Variants in XKR4 observed in about 807,000 individuals in gnomAD.
The protein encoded by XKR4 is XK related 4.
In XKR4, 12 loss-of-function variants were observed where a neutral mutation model predicts 53.9. The observed-to-expected ratio is 0.22, with a 90% CI of 0.14 to 0.36. The LOEUF (loss-of-function observed/expected upper bound fraction) is 0.36. Among genes scored for constraint, XKR4 ranks in the 10% least tolerant of loss-of-function variants. The probability of loss-of-function intolerance (pLI) is 1.00; values close to 1 mark genes in which losing one functional copy is unlikely to be tolerated. For synonymous variants in XKR4, 354 were observed against 362.4 expected (o/e 0.98, Z 0.26); for missense variants, 799 against 859.5 (o/e 0.93, Z 0.88).
At chr8:55,349,565 C>T (rs372180832) in intron 1 of XKR4, among the ~76,000 whole-genome samples, 3 of 152,096 alleles carry the variant, frequency 2.0e-5, no homozygotes, top group South Asian at 4.2e-4. Flanking sequence ...TACCACGGTC[C>T]GTGTTAAATA....
chr8:55,510,679 A>G (rs1806612531), intron 2 of XKR4, among the ~76,000 whole-genome samples: 2 of 152,214 alleles, frequency 1.3e-5, no homozygotes, highest in African/African-American at 4.8e-5. Context: ...CTCCGGAAAA[A>G]GAGCAGCAAG....
At chr8:55,121,269 T>G (rs559819790) in intron 1 of XKR4, among the ~76,000 whole-genome samples, 34 of 152,312 alleles carry the variant, frequency 2.2e-4, no homozygotes, top group Admixed American at 3.3e-4. Context: ...GAAGAGTGCA[T>G]TTAGTTTTGT....
chr8:55,469,022 G>A (rs1805830580), intron 2 of XKR4, among the ~76,000 whole-genome samples: 1 of 151,922 alleles, frequency 6.6e-6, no homozygotes, highest in Non-Finnish European at 1.5e-5. Context: ...ACAGTCCTTG[G>A]TATGCAGGCA....
At chr8:55,387,332 T>G (rs990934378) in intron 2 of XKR4, among the ~76,000 whole-genome samples, 1 of 141,448 alleles carries the variant, frequency 7.1e-6, no homozygotes, top group African/African-American at 2.6e-5. Flanking sequence ...GTGGATCACC[T>G]TCTTTATTGC....
chr8:55,498,777 A>G (rs1356003589), intron 2 of XKR4, among the ~76,000 whole-genome samples: 1 of 151,996 alleles, frequency 6.6e-6, no homozygotes, highest in Non-Finnish European at 1.5e-5. Flanking sequence ...TGAGAGAGAC[A>G]GAGACAGAGA....
intron 1 of XKR4, among the ~76,000 whole-genome samples, chr8:55,159,786 G>T (rs1816959665): frequency 6.6e-6 from 1 of 152,174 alleles, no homozygotes; most frequent in African/African-American, 2.4e-5. Flanking sequence ...ACTGAAGAAG[G>T]AATGAGATCT....
At chr8:55,516,237 C>A (rs970891096) in intron 2 of XKR4, among the ~76,000 whole-genome samples, 2 of 152,102 alleles carry the variant, frequency 1.3e-5, no homozygotes, top group African/African-American at 4.8e-5. Context: ...TATAAAATTT[C>A]TTGACTGCAA....
Position 55,102,550 on chromosome 8 carries a change from C to A in XKR4, c.62C>A (p.Pro21Gln). Residue 21 changes from proline to glutamine, a missense_variant, in exon 1 of 3, where the codon CCG becomes CAG. By Grantham distance (76) the Pro-to-Gln change is moderately conservative. Around this residue, in one of 3 missense-constraint regions of XKR4, gnomAD observed 476 missense variants for 505.4 expected, o/e 0.94. Coordinates refer to ENST00000327381, the MANE Select transcript of XKR4 (RefSeq NM_052898.2). The surrounding 1 kb of genome is among the most constrained non-coding windows in gnomAD (Gnocchi z 5.1). ...MKKSSDVAFTPLQNSDHSGSV... is the reference protein window; with the variant it reads ...MKKSSDVAFTQLQNSDHSGSV... ...AAAAGCAGCGACGTGGCGTTCACCC[C>A]GCTGCAGAACTCGGACCACTCGGGC... 1 of 1,552,516 alleles carries A rather than the reference C, an allele frequency of 6.4e-7. No individual in the cohort carries two copies.
intron 2 of XKR4, among the ~76,000 whole-genome samples, chr8:55,404,138 T>G (rs1459402483): frequency 6.6e-6 from 1 of 152,198 alleles, no homozygotes; most frequent in Non-Finnish European, 1.5e-5. Context: ...CCTCAGAGTA[T>G]TCAAAATACG....
At chr8:55,396,092 C>T (rs1804512348) in intron 2 of XKR4, among the ~76,000 whole-genome samples, 1 of 152,208 alleles carries the variant, frequency 6.6e-6, no homozygotes, top group Admixed American at 6.5e-5. Context: ...CCTCCTAATA[C>T]CATGGGGGTA....
intron 2 of XKR4, among the ~76,000 whole-genome samples, chr8:55,481,053 A>T (rs966334671): frequency 6.6e-6 from 1 of 152,174 alleles, no homozygotes; most frequent in Non-Finnish European, 1.5e-5. Context: ...AACTACTTTC[A>T]AGTTCATATG....
chr8:55,357,779 G>C lies in XKR4; in HGVS notation c.908G>C (p.Ser303Thr). The change falls in exon 2 of 3, where the codon AGT (serine) becomes ACT (threonine). Residue 303 changes from serine to threonine, a missense_variant. Physicochemically the swap from Ser to Thr is moderately conservative, Grantham distance 58. Around this residue, in one of 3 missense-constraint regions of XKR4, gnomAD observed 476 missense variants for 505.4 expected, o/e 0.94. Coordinates refer to ENST00000327381, the MANE Select transcript of XKR4 (RefSeq NM_052898.2). ...ATGGTATATGAGTATGCGGATGTGA[G>C]TATGCTGCATTTGCTAGCCACCTTT... ...WKMVYEYADV[S>T]MLHLLATFLE... is the part of the protein sequence containing the mutation. 1 of 1,614,224 alleles carries C rather than the reference G, an allele frequency of 6.2e-7. No homozygotes were observed. Among genetic ancestry groups the C allele is most frequent in the Non-Finnish European group, 8.5e-7 (1 of 1,180,030 alleles).
At chr8:55,253,958 C>A (rs149795977) in intron 1 of XKR4, among the ~76,000 whole-genome samples, 1 of 151,912 alleles carries the variant, frequency 6.6e-6, no homozygotes, top group East Asian at 2.0e-4. Flanking sequence ...TGAGTGTAAG[C>A]GCTTCACCTG....
rs180949668 is a variant in XKR4, at chr8:55,398,760, C to T, written c.1006+40883C>T. Among the ~76,000 whole-genome samples the T allele has an allele frequency of 3.7e-3, 569 of 152,312 alleles. 5 individuals are homozygous for T. The highest frequency in any genetic ancestry group is 6.9e-3 in the Non-Finnish European group (471 of 68,034). On this transcript the variant is annotated intron_variant, in intron 2 of 2. Coordinates refer to ENST00000327381, the MANE Select transcript of XKR4 (RefSeq NM_052898.2). The stretch of plus-strand genomic sequence containing the variant: ...GAGGAAACAGGACTTGATAGCAAAA[C>T]TGAAGACATTTATATTTAAAATGTT...
At chr8:55,209,374 C>T (rs748859740) in intron 1 of XKR4, among the ~76,000 whole-genome samples, 6 of 152,240 alleles carry the variant, frequency 3.9e-5, no homozygotes, top group East Asian at 1.9e-4. Flanking sequence ...TTAATCTGCT[C>T]GTCACTTAGA....
At chr8:55,148,671 A>G (rs1157759680) in intron 1 of XKR4, among the ~76,000 whole-genome samples, 3 of 152,310 alleles carry the variant, frequency 2.0e-5, no homozygotes, top group East Asian at 1.9e-4. Flanking sequence ...TAGGATTATA[A>G]TTTATTATTT....
At chr8:55,175,335 C>T (rs1817214911) in intron 1 of XKR4, among the ~76,000 whole-genome samples, 1 of 152,278 alleles carries the variant, frequency 6.6e-6, no homozygotes, top group Non-Finnish European at 1.5e-5. Context: ...ATTCAATATT[C>T]TGGTTGCTAT....
Position 55,319,821 on chromosome 8 carries a change from T to C in XKR4, c.807-37857T>C, listed in dbSNP as rs964283200. Among the ~76,000 whole-genome samples, 14 of 152,334 alleles carry C rather than the reference T, an allele frequency of 9.2e-5. No homozygotes were observed. In the East Asian group the frequency reaches 2.5e-3, roughly 27 times the overall value. ...AAAGTTACTTGGTGAGATGAAATAA[T>C]TTTTCCTTGTTTTCTCAGTTAGGCA... On this transcript the variant is annotated intron_variant, in intron 1 of 2. Transcript: ENST00000327381.
chr8:55,444,497 T>C (rs1805316620), intron 2 of XKR4, among the ~76,000 whole-genome samples: 3 of 152,216 alleles, frequency 2.0e-5, no homozygotes, highest in South Asian at 4.1e-4. Context: ...ATCCAGAATA[T>C]GTAAAGAACT....
Sources: allele counts gnomAD v4.1 joint callset (sites outside exome capture counted in the v4.1 genomes callset), GRCh38; gene constraint gnomAD v4.1.1; regional missense constraint gnomAD v4.1.1; non-coding constraint Gnocchi (gnomAD v3.1); transcripts MANE v1.5; gene names NCBI Gene and HGNC (gene_info 2026-07-23, HGNC 2026-07-21).